Variants in DNER observed in about 807,000 individuals in gnomAD.
The protein encoded by DNER is delta and Notch-like epidermal growth factor-related receptor.
A neutral mutation model predicts 78.2 loss-of-function variants in DNER; 33 were observed. The ratio of observed to expected loss-of-function variants is 0.42; its 90% CI spans 0.32 to 0.56. DNER has a LOEUF of 0.56. Ranked by LOEUF, DNER falls within the 20% of genes least tolerant of loss-of-function variation. The probability of loss-of-function intolerance (pLI) is 0.11; values close to 1 mark genes in which losing one functional copy is unlikely to be tolerated. For synonymous variants in DNER, 417 were observed against 384.8 expected, an observed-to-expected ratio of 1.08 and a Z score of -0.98; for missense variants, 918 against 975.3, an observed-to-expected ratio of 0.94 and a Z score of 0.78.
chr2:229,494,847 T>G (rs537435931), intron 6 of DNER, among the ~76,000 whole-genome samples: 2 of 152,316 alleles, frequency 1.3e-5, no homozygotes, highest in Admixed American at 1.3e-4. Context: ...CCGACAGCCT[T>G]CCTTCATTCC....
chr2:229,645,247 T>A (rs1191979704), intron 1 of DNER, among the ~76,000 whole-genome samples: 1 of 152,154 alleles, frequency 6.6e-6, no homozygotes, highest in South Asian at 2.1e-4. Context: ...CCTCAAAGGA[T>A]CCTCCTGCTT....
intron 11 of DNER, among the ~76,000 whole-genome samples, chr2:229,383,923 ACAGAACTCTCCACTC>A (rs1692802384): frequency 6.6e-6 from 1 of 152,166 alleles, no homozygotes; most frequent in African/African-American, 2.4e-5. Context: ...ATAGACATCT[ACAGAACTCTCCACTC>A]CAAATCAGCA....
intron 5 of DNER, among the ~76,000 whole-genome samples, chr2:229,521,561 A>T (rs984203209): frequency 6.6e-6 from 1 of 152,242 alleles, no homozygotes; most frequent in African/African-American, 2.4e-5. Context: ...TTTTGATTTG[A>T]TTAAGCATAG....
chr2:229,604,578 T>G (rs4365452), intron 1 of DNER, among the ~76,000 whole-genome samples: 2,501 of 152,248 alleles, frequency 0.016, 75 homozygotes, highest in African/African-American at 0.057. Flanking sequence ...TTTGGGTTGA[T>G]CCGCCAAGTG....
At chr2:229,541,153 T>C (rs1696505036) in intron 5 of DNER, among the ~76,000 whole-genome samples, 1 of 152,164 alleles carries the variant, frequency 6.6e-6, no homozygotes, top group South Asian at 2.1e-4. Context: ...GAGGCCTCTG[T>C]TTTCAGAATT....
intron 6 of DNER, among the ~76,000 whole-genome samples, chr2:229,512,380 C>CAAAA (rs10658429): frequency 1.8e-4 from 24 of 134,212 alleles, no homozygotes; most frequent in African/African-American, 3.7e-4. Context: ...GACTCTGTCT[C>CAAAA]AAAAAAAAAA....
intron 4 of DNER, among the ~76,000 whole-genome samples, chr2:229,557,625 T>C (rs1696875919): frequency 7.0e-6 from 1 of 142,750 alleles, no homozygotes; most frequent in Admixed American, 7.1e-5. Flanking sequence ...GAGAGATTTA[T>C]AAAAGAAAGA....
intron 4 of DNER, among the ~76,000 whole-genome samples, chr2:229,556,851 T>C (rs79543002): frequency 0.022 from 3,423 of 152,324 alleles, 125 homozygotes; most frequent in African/African-American, 0.07. Flanking sequence ...AGTGGATCAA[T>C]AGGACAAGCA....
At chr2:229,531,969 G>A (rs1450298295) in intron 5 of DNER, among the ~76,000 whole-genome samples, 3 of 152,146 alleles carry the variant, frequency 2.0e-5, no homozygotes, top group Admixed American at 6.5e-5. Flanking sequence ...GAGACAGAAT[G>A]CAGATTGGTG....
chr2:229,381,123 C>T (rs571973334), intron 11 of DNER, among the ~76,000 whole-genome samples: 5 of 152,056 alleles, frequency 3.3e-5, no homozygotes, highest in East Asian at 2.0e-4. Context: ...CCATGGAGGG[C>T]GAGCAGAAGC....
chr2:229,698,411 A>T (rs944988180), intron 1 of DNER, among the ~76,000 whole-genome samples: 4 of 152,166 alleles, frequency 2.6e-5, no homozygotes, highest in Admixed American at 6.5e-5. Context: ...GGAAAGATCT[A>T]TGTTAGGAGA....
intron 11 of DNER, among the ~76,000 whole-genome samples, chr2:229,381,719 C>G (rs554945838): frequency 6.6e-6 from 1 of 152,210 alleles, no homozygotes; most frequent in Non-Finnish European, 1.5e-5. Context: ...AACCAGACAG[C>G]CTCTCTAGAT....
Position 229,456,480 on chromosome 2 carries a change from C to T in DNER, c.1262-8940G>A, listed in dbSNP as rs150652570. On this transcript the variant is annotated intron_variant, in intron 7 of 12. Coordinates refer to ENST00000341772, the MANE Select transcript of DNER (RefSeq NM_139072.4). ...CTCCAGGGTCTGTCAGGCCTCTGTC[C>T]CTTCCTGACCATGTGTATCAGAAAC... Among the ~76,000 whole-genome samples, 342 of 151,762 alleles carry T rather than the reference C, an allele frequency of 2.3e-3. 6 individuals carry two copies. Among genetic ancestry groups the T allele is most frequent in the Admixed American group, 0.02 (312 of 15,246 alleles).
chr2:229,564,339 C>CCAT (rs759187267), intron 4 of DNER, among the ~76,000 whole-genome samples: 1 of 140,612 alleles, frequency 7.1e-6, no homozygotes, highest in Non-Finnish European at 1.5e-5. Flanking sequence ...CACCCCATCA[C>CCAT]CATCATCATC....
At chr2:229,361,074 G>A (rs950768905) in intron 12 of DNER, among the ~76,000 whole-genome samples, 22 of 152,184 alleles carry the variant, frequency 1.4e-4, no homozygotes, top group Admixed American at 8.5e-4. Flanking sequence ...CTAAAATGAC[G>A]TCGTTTATAG....
At chr2:229,615,287 T>C (rs1157777400) in intron 1 of DNER, among the ~76,000 whole-genome samples, 1 of 151,664 alleles carries the variant, frequency 6.6e-6, no homozygotes, top group African/African-American at 2.4e-5. Context: ...GGCACATGCC[T>C]GTAATCCCAG....
At chr2:229,477,469 C>T (rs566995350) in intron 6 of DNER, among the ~76,000 whole-genome samples, 2 of 152,174 alleles carry the variant, frequency 1.3e-5, no homozygotes, top group Non-Finnish European at 2.9e-5. Context: ...GTTTACTCTG[C>T]AAAAATCTTT....
intron 7 of DNER, among the ~76,000 whole-genome samples, chr2:229,466,512 T>C (rs939708656): frequency 5.3e-5 from 8 of 151,836 alleles, no homozygotes; most frequent in African/African-American, 1.9e-4. Flanking sequence ...CTTCAGACTC[T>C]ACCACCTGAT....
intron 1 of DNER, among the ~76,000 whole-genome samples, chr2:229,644,222 A>ACAC: frequency 6.6e-6 from 1 of 152,226 alleles, no homozygotes; most frequent in East Asian, 1.9e-4. Flanking sequence ...ACAGGCATGC[A>ACAC]ATGTGTGATA....
Sources: gnomAD v4.1 joint callset for allele counts (sites outside exome capture counted in the v4.1 genomes callset) on GRCh38, gnomAD v4.1.1 for gene constraint, MANE v1.5 for transcripts, NCBI Gene and HGNC (gene_info 2026-07-23, HGNC 2026-07-21) for gene names.